ULK4: variants seen among roughly 807,000 people sequenced by gnomAD.
ULK4 encodes the protein unc-51 like kinase 4.
In ULK4, 133 loss-of-function variants were observed where a neutral mutation model predicts 160.6. The observed-to-expected ratio is 0.83, with a 90% CI of 0.72 to 0.96. ULK4 has a LOEUF of 0.96. Ranked by LOEUF, ULK4 falls within the 40% of genes least tolerant of loss-of-function variation. The probability of loss-of-function intolerance (pLI) is 0.00; values close to 1 mark genes in which losing one functional copy is unlikely to be tolerated. For synonymous variants in ULK4, 534 were observed against 539.8 expected, an observed-to-expected ratio of 0.99 and a Z score of 0.15; for missense variants, 1,580 against 1,499.5, an observed-to-expected ratio of 1.05 and a Z score of -0.89.
At chr3:41,415,274 A>G (rs17056863) in intron 34 of ULK4, among the ~76,000 whole-genome samples, 13,176 of 152,126 alleles carry the variant, frequency 0.087, 1,092 homozygotes, top group East Asian at 0.37. Flanking sequence ...CTCTGGCCTG[A>G]TCCTGTCTTT....
intron 32 of ULK4, among the ~76,000 whole-genome samples, chr3:41,484,576 C>T (rs1185441339): frequency 1.3e-5 from 2 of 151,842 alleles, no homozygotes; most frequent in African/African-American, 4.8e-5. Context: ...CCTCAGCCTC[C>T]GGAGTAGCTG....
intron 11 of ULK4, among the ~76,000 whole-genome samples, chr3:41,908,686 C>T (rs933137006): frequency 6.6e-6 from 1 of 152,046 alleles, no homozygotes; most frequent in Non-Finnish European, 1.5e-5. Context: ...CCTCATGATC[C>T]ACCCGCCTCA....
intron 35 of ULK4, among the ~76,000 whole-genome samples, chr3:41,253,680 A>C (rs2078780028): frequency 6.6e-6 from 1 of 152,214 alleles, no homozygotes; most frequent in South Asian, 2.1e-4. Flanking sequence ...CAAGAATTAC[A>C]TTAAATGTAA....
At chr3:41,893,405 T>A (rs1698039020) in intron 16 of ULK4, among the ~76,000 whole-genome samples, 2 of 152,218 alleles carry the variant, frequency 1.3e-5, no homozygotes, top group African/African-American at 4.8e-5. Flanking sequence ...TACAATTTGA[T>A]AAATACTCAA....
At chr3:41,691,969 T>TTTTTTA (rs2036316737) in intron 27 of ULK4, among the ~76,000 whole-genome samples, 1 of 139,894 alleles carries the variant, frequency 7.1e-6, no homozygotes, top group African/African-American at 2.9e-5. Context: ...TTTTTTTTTT[T>TTTTTTA]GAGACTGAGT....
chr3:41,296,837 T>G (rs1294320408), intron 35 of ULK4, among the ~76,000 whole-genome samples: 2 of 148,296 alleles, frequency 1.3e-5, no homozygotes, highest in East Asian at 2.0e-4. Context: ...TGAAGGGAGG[T>G]TGAGAGGGAG....
At chr3:41,733,134 ATAAACG>A (rs1211588410) in intron 22 of ULK4, among the ~76,000 whole-genome samples, 3 of 152,168 alleles carry the variant, frequency 2.0e-5, no homozygotes, top group African/African-American at 7.2e-5. Context: ...CAAGAAAATA[ATAAACG>A]TTTGCAGTGA....
At position 41,883,944 on chromosome 3, in the gene ULK4, T is replaced by C. The variant is rs1365187493; in HGVS notation, c.1586A>G (p.Lys529Arg). Residue 529 changes from lysine to arginine, a missense_variant, in exon 17 of 37, where the codon AAG becomes AGG. Transcript: ENST00000301831. ...RIAPNWDIRA[K>R]VAHVIGLLAS... is the part of the protein sequence containing the mutation. ...CAGTAAACCAATTACGTGAGCAACC[T>C]TGGCCCGTCTGTAAATGGAGAGAAA... 17 of 1,609,076 alleles carry C rather than the reference T, an allele frequency of 1.1e-5. No homozygotes were observed. The highest frequency in any genetic ancestry group is 4.0e-5 in the African/African-American group (3 of 74,904).
At chr3:41,429,756 G>T (rs945679136) in intron 34 of ULK4, among the ~76,000 whole-genome samples, 2 of 152,016 alleles carry the variant, frequency 1.3e-5, no homozygotes, top group Middle Eastern at 3.2e-3. Flanking sequence ...TGCAGCATGG[G>T]GGGAGGGAGA....
At chr3:41,620,574 G>A (rs896505337) in intron 30 of ULK4, among the ~76,000 whole-genome samples, 5 of 152,132 alleles carry the variant, frequency 3.3e-5, no homozygotes, top group Non-Finnish European at 7.4e-5. Context: ...ATCCCTTCAT[G>A]CTAAAAACTC....
intron 32 of ULK4, among the ~76,000 whole-genome samples, chr3:41,530,046 T>G (rs2086248611): frequency 6.6e-6 from 1 of 152,168 alleles, no homozygotes; most frequent in Non-Finnish European, 1.5e-5. Flanking sequence ...AATTACATAG[T>G]GAAAATAGTT....
chr3:41,800,467 A>G (rs955938821), intron 19 of ULK4, among the ~76,000 whole-genome samples, 174 bp from the exon 20 acceptor site: 10 of 152,164 alleles, frequency 6.6e-5, no homozygotes, highest in African/African-American at 2.4e-4. Context: ...ATTACAAATA[A>G]TCATTTGGTT....
At chr3:41,837,843 G>C (rs1044855200) in intron 17 of ULK4, among the ~76,000 whole-genome samples, 2 of 152,172 alleles carry the variant, frequency 1.3e-5, no homozygotes, top group African/African-American at 4.8e-5. Flanking sequence ...TTACAGGTAC[G>C]AGCCACTGTG....
intron 35 of ULK4, among the ~76,000 whole-genome samples, chr3:41,300,303 A>C (rs2079758801): frequency 6.6e-6 from 1 of 152,210 alleles, no homozygotes; most frequent in African/African-American, 2.4e-5. Context: ...TCAGATACTT[A>C]ATACTGGAAC....
At chr3:41,525,701 C>A (rs1180964482) in intron 32 of ULK4, among the ~76,000 whole-genome samples, 1 of 152,220 alleles carries the variant, frequency 6.6e-6, no homozygotes, top group African/African-American at 2.4e-5. Flanking sequence ...CATTTTGTAT[C>A]TGTATTTCCT....
At chr3:41,546,586 A>G (rs1389507899) in intron 32 of ULK4, among the ~76,000 whole-genome samples, 1 of 152,062 alleles carries the variant, frequency 6.6e-6, no homozygotes, top group Non-Finnish European at 1.5e-5. Flanking sequence ...GCCTTCACCA[A>G]AAACCTGTGG....
At chr3:41,593,134 C>A (rs1168829879) in intron 31 of ULK4, among the ~76,000 whole-genome samples, 1 of 152,102 alleles carries the variant, frequency 6.6e-6, no homozygotes, top group Non-Finnish European at 1.5e-5. Context: ...CTTTGCTGAA[C>A]TTTTATTTTT....
chr3:41,278,954 A>G lies in ULK4; in HGVS notation c.3679-29380T>C, dbSNP rs543657040. On this transcript the variant is annotated intron_variant, in intron 35 of 36. Coordinates refer to ENST00000301831, the MANE Select transcript of ULK4 (RefSeq NM_017886.4). ...AACTGGATGGAGAATGAGTTTGACAAGTTGACAGAAGTTGGCTTCAGAAGG... is the reference window on the plus strand; with the variant it reads ...AACTGGATGGAGAATGAGTTTGACAGGTTGACAGAAGTTGGCTTCAGAAGG... Among the ~76,000 whole-genome samples the G allele has an allele frequency of 1.4e-4, 22 of 152,278 alleles. No homozygotes were observed. In the South Asian group the frequency reaches 4.4e-3, roughly 30 times the overall value.
chr3:41,820,265 A>G (rs972386762), intron 18 of ULK4, among the ~76,000 whole-genome samples: 1 of 152,226 alleles, frequency 6.6e-6, no homozygotes, highest in Non-Finnish European at 1.5e-5. Flanking sequence ...GATATCTCAA[A>G]GAACTAAAAA....
Sources: gnomAD v4.1 joint callset for allele counts (sites outside exome capture counted in the v4.1 genomes callset) on GRCh38, gnomAD v4.1.1 for gene constraint, MANE v1.5 for transcripts, NCBI Gene and HGNC (gene_info 2026-07-23, HGNC 2026-07-21) for gene names.